GTPBP2: variants seen among roughly 807,000 people sequenced by gnomAD.
GTPBP2 encodes the protein GTP-binding protein 2.
A neutral mutation model predicts 63.0 loss-of-function variants in GTPBP2; 32 were observed. The observed-to-expected ratio is 0.51, with a 90% CI of 0.38 to 0.68. GTPBP2 has a LOEUF of 0.68. Among genes scored for constraint, GTPBP2 ranks in the 30% least tolerant of loss-of-function variants. The pLI, the probability that GTPBP2 is intolerant of heterozygous loss-of-function variation, is 0.00. For missense variants in GTPBP2, 492 were observed against 796.9 expected, an observed-to-expected ratio of 0.62 and a Z score of 4.61; for synonymous variants, 310 against 322.6, an observed-to-expected ratio of 0.96 and a Z score of 0.42.
chr6:43,627,149 A>G (rs920849833), intron 1 of GTPBP2: 4 of 636,270 alleles, frequency 6.3e-6, no homozygotes, highest in Non-Finnish European at 7.2e-6. Flanking sequence ...GGGAAGGCCT[A>G]TAAGGACACA....
Position 43,629,045 on chromosome 6 carries a change from T to C in GTPBP2, c.118A>G (p.Lys40Glu). ...AGSSSGCGGP[K>E]GKKKNGRNRG... Reference sequence around the variant, plus strand: ...TTCCTTCCGTTCTTCTTCTTTCCCTTTGGCCCCCCGCAGCCGCTGCTGCTG... The same window carrying C: ...TTCCTTCCGTTCTTCTTCTTTCCCTCTGGCCCCCCGCAGCCGCTGCTGCTG... Residue 40 changes from lysine to glutamate, a missense_variant, in exon 1 of 12, where the codon AAG becomes GAG. Coordinates refer to ENST00000307126, the MANE Select transcript of GTPBP2 (RefSeq NM_019096.5). 6.2e-7 allele frequency: 1 copy of C among 1,612,254 alleles called. No homozygotes were observed. The highest frequency in any genetic ancestry group is 8.5e-7 in the Non-Finnish European group (1 of 1,179,290).
rs1447570915 is a variant in GTPBP2 at position 43,624,692 on chromosome 6, G to A, written c.918C>T (p.Ala306=). 1 of 1,614,040 alleles carries A rather than the reference G, an allele frequency of 6.2e-7. No homozygotes were observed. Among genetic ancestry groups the A allele is most frequent in the African/African-American group, 1.3e-5 (1 of 75,034 alleles). ...CCACGATGAAGAAGGGCACTTTCAGGGCCAGGGCCAGCCCCAGATGTTCCC... is the reference window on the plus strand; with the variant it reads ...CCACGATGAAGAAGGGCACTTTCAGAGCCAGGGCCAGCCCCAGATGTTCCC... ...TTREHLGLAL[A]LKVPFFIVVS... is the part of the protein sequence containing the mutation. The change falls in exon 7 of 12, where the codon GCC becomes GCT. Residue 306 remains alanine, a synonymous_variant. Coordinates refer to ENST00000307126, the MANE Select transcript of GTPBP2 (RefSeq NM_019096.5). This position sits in a 1 kb window ranked among gnomAD's most constrained non-coding sequence, Gnocchi z 5.1.
chr6:43,622,341 C>T lies in GTPBP2; in HGVS notation c.1468-174G>A, dbSNP rs1327032029. Among the ~76,000 whole-genome samples, 1 of 152,172 alleles carries T rather than the reference C, an allele frequency of 6.6e-6. No homozygotes were observed. The highest frequency in any genetic ancestry group is 2.4e-5 in the African/African-American group (1 of 41,424). ...CTCTCAGAGGGAATGAGTCTTTACC[C>T]ACCTCCTACGTCCTCTAGCCCATCT... On this transcript the variant is annotated intron_variant, in intron 10 of 11. Transcript: ENST00000307126. The surrounding 1 kb of genome is among the most constrained non-coding windows in gnomAD (Gnocchi z 5.4).
Position 43,622,620 on chromosome 6 carries a change from G to A in GTPBP2, c.1467+13C>T. The A allele has an allele frequency of 2.5e-6, 4 of 1,604,990 alleles. No individual in the cohort carries two copies. Among genetic ancestry groups the A allele is most frequent in the Non-Finnish European group, 3.4e-6 (4 of 1,172,634 alleles). Reference sequence around the variant, plus strand: ...TCTTAGCGTTCCCTCCCCAACCCATGCACCCACCTCACCTTGCGAAGCAGT... The same window carrying A: ...TCTTAGCGTTCCCTCCCCAACCCATACACCCACCTCACCTTGCGAAGCAGT... On this transcript the variant is annotated intron_variant, in intron 10 of 11. Transcript: ENST00000307126. This position sits in a 1 kb window ranked among gnomAD's most constrained non-coding sequence, Gnocchi z 5.4.
chr6:43,631,160 G>C (rs1337415294), upstream of GTPBP2, among the ~76,000 whole-genome samples: 1 of 152,178 alleles, frequency 6.6e-6, no homozygotes, highest in African/African-American at 2.4e-5. Flanking sequence ...ATCTGCAAAA[G>C]GGCCTAGCTG....
At position 43,624,483 on chromosome 6, in the gene GTPBP2, CAGGGCTTT is replaced by C; in HGVS notation, c.1100+19_1100+26del. ...CTCTGTGGCAGCCTTCCTAGTGGAT[CAGGGCTTT>C]AGAGTAAGGTGGGCTTACTTGGGTG... On this transcript the variant is annotated intron_variant, in intron 7 of 11. Transcript: ENST00000307126. This position sits in a 1 kb window ranked among gnomAD's most constrained non-coding sequence, Gnocchi z 5.1. 1 of 1,546,024 alleles carries C rather than the reference CAGGGCTTT, an allele frequency of 6.5e-7. No individual in the cohort carries two copies. The highest frequency in any genetic ancestry group is 8.9e-7 in the Non-Finnish European group (1 of 1,123,046).
intron 1 of GTPBP2, among the ~76,000 whole-genome samples, chr6:43,628,135 G>A (rs545053334): frequency 2.0e-4 from 30 of 152,222 alleles, no homozygotes; most frequent in Middle Eastern, 3.4e-3. Context: ...AGGCCGAGGC[G>A]GGTGGATCAC....
rs773905180 is a variant in GTPBP2, at chr6:43,629,103, G to C, written c.60C>G (p.Ala20=). 6.5e-7 allele frequency: 1 copy of C among 1,544,570 alleles called. No individual in the cohort carries two copies. The highest frequency in any genetic ancestry group is 2.5e-5 in the East Asian group (1 of 40,386). The part of the protein sequence containing the change: ...GGCCRPGGGP[A]VGGTLKARGA... ...CCCTAGCCTTGAGGGTTCCGCCCAC[G>C]GCCGGGCCCCCTCCGGGCCGGCAGC... The change falls in exon 1 of 12, where the codon GCC becomes GCG. Residue 20 remains alanine (A), a synonymous_variant. Transcript: ENST00000307126.
chr6:43,630,713 A>G (rs1769858046), upstream of GTPBP2, among the ~76,000 whole-genome samples: 2 of 151,428 alleles, frequency 1.3e-5, no homozygotes, highest in South Asian at 4.2e-4. Flanking sequence ...ATTGCACTCC[A>G]GCCTGGGCAA....
At chr6:43,623,831 A>G (rs763580246) in intron 8 of GTPBP2, 36 bp from the exon 9 acceptor site, 3 of 1,610,940 alleles carry the variant, frequency 1.9e-6, no homozygotes, top group Non-Finnish European at 2.5e-6. Flanking sequence ...TGGCCTGCCA[A>G]GTAGGGCTGG....
In GTPBP2 at chr6:43,621,064, G is replaced by A; in HGVS notation, c.*550C>T. 1 of 269,116 alleles carries A rather than the reference G, an allele frequency of 3.7e-6. No homozygotes were observed. The highest frequency in any genetic ancestry group is 7.4e-6 in the Non-Finnish European group (1 of 134,404). 16.7% of individuals were successfully genotyped at this position (269,116 alleles called of 1,614,324 possible). A position where few individuals can be genotyped will look rare whatever the true frequency, so the allele number is the denominator to read the frequency against. The stretch of plus-strand genomic sequence containing the variant: ...GAAGAGGCCTCAGGCCTCAGCACAG[G>A]GTGGCAACACTACCATTCACTGTCC... On this transcript the variant is annotated 3_prime_UTR_variant, in exon 12 of 12. Coordinates refer to ENST00000307126, the MANE Select transcript of GTPBP2 (RefSeq NM_019096.5).
At position 43,625,336 on chromosome 6, in the gene GTPBP2, C is replaced by A; in HGVS notation, c.705+27G>T. ...ACCATCCCATCCTCAGAGTCTGGCC[C>A]CATTGGGTCCCATTGATCCCATGCA... On this transcript the variant is annotated intron_variant, in intron 5 of 11. Coordinates refer to ENST00000307126, the MANE Select transcript of GTPBP2 (RefSeq NM_019096.5). The surrounding 1 kb of genome is among the most constrained non-coding windows in gnomAD (Gnocchi z 5.1). The A allele has an allele frequency of 6.3e-7, 1 of 1,598,742 alleles. No individual in the cohort carries two copies. The highest frequency in any genetic ancestry group is 8.6e-7 in the Non-Finnish European group (1 of 1,166,028).
At chr6:43,628,778 G>A (rs781516434) in intron 1 of GTPBP2, 199 bp downstream of exon 1, 1 of 797,336 alleles carries the variant, frequency 1.3e-6, no homozygotes, top group Non-Finnish European at 2.3e-6. Context: ...TCCTCCCTGA[G>A]GTCCTGTCAC....
chr6:43,622,317 T>C lies in GTPBP2; in HGVS notation c.1468-150A>G. The C allele has an allele frequency of 1.4e-6, 1 of 704,504 alleles. No homozygotes were observed. Among genetic ancestry groups the C allele is most frequent in the Non-Finnish European group, 2.3e-6 (1 of 430,498 alleles). The allele number at this position is 704,504 out of a possible 1,614,324, so 43.6% of individuals were successfully genotyped here. ...GACCTCAAAAGACAATAATCAAAAC[T>C]CTCAGAGGGAATGAGTCTTTACCCA... On this transcript the variant is annotated intron_variant, in intron 10 of 11. Coordinates refer to ENST00000307126, the MANE Select transcript of GTPBP2 (RefSeq NM_019096.5). This position sits in a 1 kb window ranked among gnomAD's most constrained non-coding sequence, Gnocchi z 5.4.
At chr6:43,630,908 CAAAAAAAAAAAAA>C (rs753239311), upstream of GTPBP2, among the ~76,000 whole-genome samples, 4 of 53,608 alleles carry the variant, frequency 7.5e-5, no homozygotes, top group South Asian at 1.6e-3. Context: ...GACTTCGTCT[CAAAAAAAAAAAAA>C]AAAAAAAAAA....
In GTPBP2 at chr6:43,629,178, GC is replaced by G; in HGVS notation, c.-17del. The G allele has an allele frequency of 1.5e-6, 2 of 1,352,040 alleles. No homozygotes were observed. Among genetic ancestry groups the G allele is most frequent in the Non-Finnish European group, 1.9e-6 (2 of 1,058,022 alleles). The allele number at this position is 1,352,040 out of a possible 1,614,324, so 83.8% of individuals were successfully genotyped here. A position where few individuals can be genotyped will look rare whatever the true frequency, so the allele number is the denominator to read the frequency against. On this transcript the variant is annotated 5_prime_UTR_variant, in exon 1 of 12. Transcript: ENST00000307126. ...GCGAGTCCATCCGCCGCTGCCGCCA[GC>G]CCCCCGCCCGGCCCCTCCCCCGACC...
chr6:43,626,405 C>G lies in GTPBP2; in HGVS notation c.219G>C (p.Lys73Asn). ...AEDGNIEYKL[K>N]LVNPSQYRFE... ...AGCGGTACTGGGATGGATTCACCAGCTTCAACTTAGGGCAAGTGGGGTATC... is the reference window on the plus strand; with the variant it reads ...AGCGGTACTGGGATGGATTCACCAGGTTCAACTTAGGGCAAGTGGGGTATC... Residue 73 changes from lysine to asparagine, a missense_variant, in exon 3 of 12, where the codon AAG becomes AAC. By Grantham distance (94) the Lys-to-Asn change is moderately conservative. This residue lies in a region of GTPBP2 where 400 missense variants were observed against 710.8 expected (regional missense o/e 0.56). Coordinates refer to ENST00000307126, the MANE Select transcript of GTPBP2 (RefSeq NM_019096.5). The surrounding 1 kb of genome is among the most constrained non-coding windows in gnomAD (Gnocchi z 4.0). 6.2e-7 allele frequency: 1 copy of G among 1,613,880 alleles called. No individual in the cohort carries two copies. Among genetic ancestry groups the G allele is most frequent in the Non-Finnish European group, 8.5e-7 (1 of 1,179,784 alleles).
At position 43,625,832 on chromosome 6, in the gene GTPBP2, C is replaced by T. The variant is rs367874329; in HGVS notation, c.431G>A (p.Arg144Gln). 1.5e-5 allele frequency: 24 copies of T among 1,613,976 alleles called. No homozygotes were observed. Among genetic ancestry groups the T allele is most frequent in the East Asian group, 2.2e-5 (1 of 44,894 alleles). ...VGADITVLRE[R>Q]EVDYDSDMPR... ...CATGTCGCTATCATAATCCACTTCT[C>T]GCTCTCGAAGAACGGTTATGTCTGC... Residue 144 changes from arginine to glutamine, a missense_variant, in exon 4 of 12, where the codon CGA becomes CAA. This residue lies in a region of GTPBP2 where 400 missense variants were observed against 710.8 expected (regional missense o/e 0.56). Transcript: ENST00000307126. The surrounding 1 kb of genome is among the most constrained non-coding windows in gnomAD (Gnocchi z 5.1).
rs1465284752 is a variant in GTPBP2, at chr6:43,622,852, C to A, written c.1296-48G>T. 7.0e-7 allele frequency: 1 copy of A among 1,435,372 alleles called. No individual in the cohort carries two copies. Among genetic ancestry groups the A allele is most frequent in the Non-Finnish European group, 9.6e-7 (1 of 1,036,950 alleles). 88.9% of individuals were successfully genotyped at this position (1,435,372 alleles called of 1,614,324 possible). On this transcript the variant is annotated intron_variant, in intron 9 of 11. Transcript: ENST00000307126. This position sits in a 1 kb window ranked among gnomAD's most constrained non-coding sequence, Gnocchi z 5.4. ...CACAGTGTCAGCCAAGGTCCCCATA[C>A]CTACTTCTCTATTAGGATCACCCAG...
Sources: gnomAD v4.1 joint callset for allele counts (sites outside exome capture counted in the v4.1 genomes callset) on GRCh38, gnomAD v4.1.1 for gene constraint, gnomAD v4.1.1 regional missense constraint, Gnocchi (gnomAD v3.1) non-coding constraint, MANE v1.5 for transcripts, NCBI Gene and HGNC (gene_info 2026-07-23, HGNC 2026-07-21) for gene names.